The following PRDM16 variants were observed in gnomAD, a reference collection of about 807,000 sequenced individuals.
PRDM16 encodes the protein histone-lysine N-methyltransferase PRDM16.
In PRDM16, 23 loss-of-function variants were observed where a neutral mutation model predicts 110.6. That is an observed-to-expected ratio of 0.21 (90% CI 0.15 to 0.29). The LOEUF (loss-of-function observed/expected upper bound fraction) is 0.29, where lower values mean the gene tolerates loss of function less well. Ranked by LOEUF, PRDM16 falls within the 10% of genes least tolerant of loss-of-function variation. The probability of loss-of-function intolerance (pLI) is 1.00; values close to 1 mark genes in which losing one functional copy is unlikely to be tolerated. For synonymous variants in PRDM16, 799 were observed against 781.8 expected (o/e 1.02, Z -0.37); for missense variants, 1,615 against 1,794.3 (o/e 0.90, Z 1.81).
At chr1:3,250,653 G>A (rs1639910206) in intron 3 of PRDM16, among the ~76,000 whole-genome samples, 1 of 152,218 alleles carries the variant, frequency 6.6e-6, no homozygotes, top group South Asian at 2.1e-4. Flanking sequence ...CGTGTCTGAG[G>A]TGGCTTCCTT....
At chr1:3,094,538 C>A (rs79486397) in intron 1 of PRDM16, among the ~76,000 whole-genome samples, 1,916 of 152,292 alleles carry the variant, frequency 0.013, 46 homozygotes, top group African/African-American at 0.044. Context: ...CTTCTAAGCC[C>A]CCAGCAGGTT....
At chr1:3,308,685 A>C (rs1405945622) in intron 3 of PRDM16, 1 of 152,238 alleles carries the variant, frequency 6.6e-6, no homozygotes, top group Non-Finnish European at 1.5e-5. Context: ...CAGCTCTGCC[A>C]TGTCTTCTTG....
In PRDM16 at chr1:3,186,158, C is replaced by A. The variant is rs770517714; in HGVS notation, c.71C>A (p.Pro24His). ...DGDVVNNMYE[P>H]NRDLLASHSA... ...GACGTTGTAAATAATATGTATGAGC[C>A]CAACCGGGACCTGCTGGCCAGCCAC... The change falls in exon 2 of 17, where the codon CCC becomes CAC. Residue 24 changes from proline to histidine, a missense_variant. This residue lies in a region of PRDM16 where 416 missense variants were observed against 467.1 expected (regional missense o/e 0.89). Transcript: ENST00000270722. 5 of 1,612,798 alleles carry A rather than the reference C, an allele frequency of 3.1e-6. No homozygotes were observed. The highest frequency in any genetic ancestry group is 4.2e-6 in the Non-Finnish European group (5 of 1,179,942).
At chr1:3,297,280 ATTTTT>A (rs34666813) in intron 3 of PRDM16, among the ~76,000 whole-genome samples, 3 of 120,964 alleles carry the variant, frequency 2.5e-5, no homozygotes. Flanking sequence ...GGTGAGAGGA[ATTTTT>A]TTTTTTTTTT....
intron 1 of PRDM16, among the ~76,000 whole-genome samples, chr1:3,135,822 C>G (rs1235252724): frequency 6.6e-6 from 1 of 152,242 alleles, no homozygotes; most frequent in Non-Finnish European, 1.5e-5. Context: ...CGTCCCTTCC[C>G]CGTGGCTCCC....
At chr1:3,385,781 T>C (rs1433563003) in intron 4 of PRDM16, among the ~76,000 whole-genome samples, 2 of 152,258 alleles carry the variant, frequency 1.3e-5, no homozygotes, top group African/African-American at 4.8e-5. Flanking sequence ...ACCAGCCTGC[T>C]GAAGGCCTTG....
intron 3 of PRDM16, among the ~76,000 whole-genome samples, chr1:3,300,762 A>T (rs571465294): frequency 6.6e-6 from 1 of 152,258 alleles, no homozygotes; most frequent in Admixed American, 6.5e-5. Flanking sequence ...AACCCCATTT[A>T]TGTGTGTGAA....
At chr1:3,314,129 C>T (rs1324768368) in intron 3 of PRDM16, among the ~76,000 whole-genome samples, 2 of 144,912 alleles carry the variant, frequency 1.4e-5, no homozygotes, top group Non-Finnish European at 3.0e-5. Flanking sequence ...AGGAGCGGAC[C>T]GCCTGAGCCC....
chr1:3,282,241 C>G (rs1358676007), intron 3 of PRDM16, among the ~76,000 whole-genome samples: 1 of 152,194 alleles, frequency 6.6e-6, no homozygotes, highest in African/African-American at 2.4e-5. Context: ...AGACGTTTCC[C>G]CAGAGAGGTC....
intron 2 of PRDM16, among the ~76,000 whole-genome samples, chr1:3,237,431 C>T (rs957591855): frequency 6.6e-6 from 1 of 152,150 alleles, no homozygotes; most frequent in South Asian, 2.1e-4. Context: ...TCCTCTTCCT[C>T]GTGTTGATGT....
intron 3 of PRDM16, among the ~76,000 whole-genome samples, chr1:3,280,046 G>A (rs1166378778): frequency 6.7e-6 from 1 of 149,150 alleles, no homozygotes; most frequent in East Asian, 2.1e-4. Context: ...AAAACAAGCA[G>A]GGTGAAAAAA....
chr1:3,343,778 C>G (rs1642314144), intron 3 of PRDM16, among the ~76,000 whole-genome samples: 1 of 152,034 alleles, frequency 6.6e-6, no homozygotes, highest in African/African-American at 2.4e-5. Context: ...GTAGCTGGGA[C>G]TACAGGCATC....
intron 3 of PRDM16, among the ~76,000 whole-genome samples, chr1:3,340,392 C>T (rs72632196): frequency 1.3e-5 from 2 of 152,220 alleles, no homozygotes; most frequent in Admixed American, 1.3e-4. Context: ...TTTACCTGAT[C>T]CCCATCTCAG....
chr1:3,314,357 G>C (rs996740474), intron 3 of PRDM16, among the ~76,000 whole-genome samples: 1 of 152,192 alleles, frequency 6.6e-6, no homozygotes, highest in East Asian at 1.9e-4. Context: ...GGGAGAGAGA[G>C]ATGGTGTCTC....
intron 4 of PRDM16, among the ~76,000 whole-genome samples, chr1:3,394,885 CTAA>C (rs1643362684): frequency 6.6e-6 from 1 of 151,382 alleles, no homozygotes; most frequent in Non-Finnish European, 1.5e-5. Flanking sequence ...AACTGGGGTC[CTAA>C]TAATAATGGG....
At chr1:3,388,059 A>G (rs774998583) in intron 4 of PRDM16, among the ~76,000 whole-genome samples, 7 of 152,248 alleles carry the variant, frequency 4.6e-5, no homozygotes, top group Non-Finnish European at 8.8e-5. Context: ...CCCTATGCGG[A>G]GCTAAAATAA....
intron 1 of PRDM16, among the ~76,000 whole-genome samples, chr1:3,139,009 G>A (rs1014261727): frequency 6.6e-6 from 1 of 152,182 alleles, no homozygotes; most frequent in African/African-American, 2.4e-5. Context: ...TGACCTTTGG[G>A]ATAAGATAAT....
intron 3 of PRDM16, among the ~76,000 whole-genome samples, chr1:3,335,082 G>A (rs1354128123): frequency 6.6e-6 from 1 of 152,234 alleles, no homozygotes; most frequent in African/African-American, 2.4e-5. Flanking sequence ...GTTCCCCCCT[G>A]TGGCTTCAGG....
intron 1 of PRDM16, among the ~76,000 whole-genome samples, chr1:3,177,764 C>T (rs760469262): frequency 1.3e-5 from 2 of 152,218 alleles, no homozygotes; most frequent in Non-Finnish European, 2.9e-5. Flanking sequence ...GTGATGGAGG[C>T]GTTCTCTGTC....
Sources: gnomAD v4.1 joint callset for allele counts (sites outside exome capture counted in the v4.1 genomes callset) on GRCh38, gnomAD v4.1.1 for gene constraint, gnomAD v4.1.1 regional missense constraint, MANE v1.5 for transcripts, NCBI Gene and HGNC (gene_info 2026-07-23, HGNC 2026-07-21) for gene names.